The following RGS18 variants were observed in gnomAD, a reference collection of about 807,000 sequenced individuals.
The protein encoded by RGS18 is regulator of G-protein signaling 18.
RGS18 carries 22 observed loss-of-function variants against 27.6 expected under a neutral mutation model. The observed-to-expected ratio is 0.80, with a 90% CI of 0.57 to 1.14. The LOEUF is 1.14. RGS18 is among the 50% of genes most tolerant of loss of function. The pLI is 0.00. For missense variants in RGS18, 299 were observed against 269.6 expected, an observed-to-expected ratio of 1.11 and a Z score of -0.76; for synonymous variants, 89 against 84.6, an observed-to-expected ratio of 1.05 and a Z score of -0.29.
intron 3 of RGS18, among the ~76,000 whole-genome samples, chr1:192,172,236 TC>T (rs915987459): frequency 1.3e-4 from 19 of 151,898 alleles, no homozygotes; most frequent in Non-Finnish European, 8.8e-5. Flanking sequence ...TGGGAGAAGT[TC>T]CCCCAGGATT....
chr1:192,175,321 A>G (rs1372684440), intron 3 of RGS18, among the ~76,000 whole-genome samples: 8 of 12,030 alleles, frequency 6.7e-4, no homozygotes, highest in East Asian at 9.6e-3. Context: ...TCCTTATATC[A>G]CTAATTTTTT....
chr1:192,165,108 C>G (rs1352275765), intron 3 of RGS18, among the ~76,000 whole-genome samples: 1 of 151,966 alleles, frequency 6.6e-6, no homozygotes, highest in African/African-American at 2.4e-5. Context: ...AATTAACAGC[C>G]CTGGGGAAAG....
In RGS18 at chr1:192,180,927, C is replaced by T. The variant is rs777344572; in HGVS notation, c.284-365C>T. Among the ~76,000 whole-genome samples the T allele has an allele frequency of 5.9e-5, 9 of 151,560 alleles. No individual in the cohort carries two copies. In the South Asian group the frequency reaches 6.2e-4, roughly 10 times the overall value. ...AAAGGCATGGTGTAGAAGTAGGATC[C>T]GTTCCAACTGTAATGGCTTCTTGAC... is the stretch of plus-strand genomic sequence containing the variant. On this transcript the variant is annotated intron_variant, in intron 3 of 4. Transcript: ENST00000367460.
At chr1:192,160,115 A>C (rs962972958) in intron 2 of RGS18, among the ~76,000 whole-genome samples, 4 of 152,136 alleles carry the variant, frequency 2.6e-5, no homozygotes, top group Admixed American at 2.0e-4. Context: ...AAAAGGATTA[A>C]TTTTTAATTA....
Position 192,184,335 on chromosome 1 carries a change from C to T in RGS18, c.489C>T (p.Asn163=), listed in dbSNP as rs745447755. ...LDFHTKEVIT[N]SITQPTLHSF... is the part of the protein sequence containing the mutation. ...TTCACACAAAAGAAGTCATTACAAA[C>T]AGCATCACTCAACCTACCCTCCACA... The change falls in exon 5 of 5, where the codon AAC becomes AAT. Residue 163 remains asparagine (N), a synonymous_variant. Transcript: ENST00000367460. 2 of 1,610,786 alleles carry T rather than the reference C, an allele frequency of 1.2e-6. No homozygotes were observed. The highest frequency in any genetic ancestry group is 1.7e-6 in the Non-Finnish European group (2 of 1,177,748).
At chr1:192,176,962 G>C (rs546554031) in intron 3 of RGS18, among the ~76,000 whole-genome samples, 1 of 151,826 alleles carries the variant, frequency 6.6e-6, no homozygotes, top group African/African-American at 2.4e-5. Flanking sequence ...CATCTTGTTA[G>C]CATGCCAGGA....
intron 3 of RGS18, among the ~76,000 whole-genome samples, chr1:192,164,670 C>A (rs1050731131): frequency 6.6e-6 from 1 of 152,104 alleles, no homozygotes; most frequent in Non-Finnish European, 1.5e-5. Context: ...TCTGTACTAC[C>A]TTCTTGTTGT....
At chr1:192,175,223 T>C in intron 3 of RGS18, among the ~76,000 whole-genome samples, 1 of 152,062 alleles carries the variant, frequency 6.6e-6, no homozygotes, top group African/African-American at 2.4e-5. Flanking sequence ...AAAGTTTTTG[T>C]CTGCTATTTC....
At chr1:192,170,669 G>GAA (rs879875844) in intron 3 of RGS18, among the ~76,000 whole-genome samples, 67 of 125,776 alleles carry the variant, frequency 5.3e-4, no homozygotes, top group Middle Eastern at 4.1e-3. Context: ...GGCAAAATTA[G>GAA]AAAAAAAAAA....
At position 192,158,585 on chromosome 1, in the gene RGS18, A is replaced by T; in HGVS notation, c.-53A>T. 6.9e-7 allele frequency: 1 copy of T among 1,444,246 alleles called. No individual in the cohort carries two copies. The highest frequency in any genetic ancestry group is 9.3e-7 in the Non-Finnish European group (1 of 1,080,908). 89.5% of individuals were successfully genotyped at this position (1,444,246 alleles called of 1,614,324 possible). A position where few individuals can be genotyped will look rare whatever the true frequency, so the allele number is the denominator to read the frequency against. ...TATATGTATGGAATAGTATTAATAAATGAACTAGGGAAGGATGTAATAAAT... is the reference window on the plus strand; with the variant it reads ...TATATGTATGGAATAGTATTAATAATTGAACTAGGGAAGGATGTAATAAAT... On this transcript the variant is annotated 5_prime_UTR_variant, in exon 1 of 5. An upstream start codon of the reference 5' UTR is lost. Transcript: ENST00000367460.
rs563134766 is a variant in RGS18, at chr1:192,165,190, A to C, written c.283+4751A>C. ...CTGCTTTATGCCGTTGTAGGTAGGG[A>C]TGAAACATGCCCTGGTCTCCTGCAG... is the stretch of plus-strand genomic sequence containing the variant. On this transcript the variant is annotated intron_variant, in intron 3 of 4. Coordinates refer to ENST00000367460, the MANE Select transcript of RGS18 (RefSeq NM_130782.3). Among the ~76,000 whole-genome samples, 232 of 152,236 alleles carry C rather than the reference A, an allele frequency of 1.5e-3. 1 individual carries two copies. Among genetic ancestry groups the C allele is most frequent in the Non-Finnish European group, 2.8e-3 (193 of 68,004 alleles).
intron 2 of RGS18, 137 bp from the exon 3 acceptor site, chr1:192,160,241 C>G: frequency 2.3e-6 from 1 of 437,240 alleles, no homozygotes; most frequent in Non-Finnish European, 4.0e-6. Flanking sequence ...AATGTAAATG[C>G]AATTTTCATT....
intron 3 of RGS18, among the ~76,000 whole-genome samples, chr1:192,178,985 G>A (rs1427493747): frequency 1.3e-5 from 2 of 151,346 alleles, no homozygotes; most frequent in East Asian, 2.0e-4. Flanking sequence ...TGGGCAAATA[G>A]GGAAGATAAA....
intron 3 of RGS18, among the ~76,000 whole-genome samples, chr1:192,165,912 G>T (rs1378040990): frequency 2.0e-5 from 3 of 152,146 alleles, no homozygotes; most frequent in African/African-American, 7.2e-5. Context: ...AATACTACAT[G>T]TATATAAACC....
At chr1:192,179,229 C>A (rs1454839724) in intron 3 of RGS18, among the ~76,000 whole-genome samples, 1 of 151,460 alleles carries the variant, frequency 6.6e-6, no homozygotes, top group African/African-American at 2.4e-5. Flanking sequence ...CATGATATTT[C>A]CTTATGCAAT....
chr1:192,161,986 C>A (rs1656081769), intron 3 of RGS18, among the ~76,000 whole-genome samples: 1 of 152,164 alleles, frequency 6.6e-6, no homozygotes, highest in African/African-American at 2.4e-5. Flanking sequence ...AACTTTCCCT[C>A]TGCCAATGAA....
At chr1:192,161,444 T>C (rs1446677215) in intron 3 of RGS18, 2 of 152,198 alleles carry the variant, frequency 1.3e-5, no homozygotes, top group Non-Finnish European at 2.9e-5. Context: ...ATTTTATGCT[T>C]TCTTTCAGAT....
Position 192,174,972 on chromosome 1 carries a change from C to A in RGS18, c.284-6320C>A, listed in dbSNP as rs542829732. On this transcript the variant is annotated intron_variant, in intron 3 of 4. Transcript: ENST00000367460. ...TGTTTCCTCATTTTGTTGTTGTTTT[C>A]TTTTCCTCCTTTCCTACCTTATTTA... 2.6e-5 allele frequency among the ~76,000 whole-genome samples: 4 copies of A among 151,772 alleles called. No homozygotes were observed. In the South Asian group the frequency reaches 8.3e-4, roughly 31 times the overall value.
At chr1:192,160,482 A>G (rs771217535) in intron 3 of RGS18, 43 bp downstream of exon 3, 7 of 1,412,328 alleles carry the variant, frequency 5.0e-6, no homozygotes, top group Non-Finnish European at 7.0e-6. Flanking sequence ...CTTAATGGAA[A>G]ATTACACAAA....
Sources: allele counts gnomAD v4.1 joint callset (sites outside exome capture counted in the v4.1 genomes callset), GRCh38; gene constraint gnomAD v4.1.1; transcripts MANE v1.5; gene names NCBI Gene and HGNC (gene_info 2026-07-23, HGNC 2026-07-21).